Variants in SBNO2 observed in about 807,000 individuals in gnomAD.
The protein encoded by SBNO2 is strawberry notch homolog 2, also known as protein strawberry notch homolog 2.
A neutral mutation model predicts 146.3 loss-of-function variants in SBNO2; 89 were observed. The ratio of observed to expected loss-of-function variants is 0.61; its 90% CI spans 0.51 to 0.73. The LOEUF (loss-of-function observed/expected upper bound fraction) is 0.73. Ranked by LOEUF, SBNO2 falls within the 30% of genes least tolerant of loss-of-function variation. The pLI, the probability that SBNO2 is intolerant of heterozygous loss-of-function variation, is 0.00. For synonymous variants in SBNO2, 1,147 were observed against 892.6 expected, an observed-to-expected ratio of 1.29 and a Z score of -5.08; for missense variants, 2,092 against 2,003.7, an observed-to-expected ratio of 1.04 and a Z score of -0.84.
intron 2 of SBNO2, among the ~76,000 whole-genome samples, chr19:1,151,289 C>A (rs931734286): frequency 6.6e-6 from 1 of 152,110 alleles, no homozygotes; most frequent in Admixed American, 6.6e-5. Context: ...GGAACTGCAG[C>A]TGCAGGAAGG....
rs535798480 is a variant in SBNO2 at position 1,119,485 on chromosome 19, G to A, written c.1373+31C>T. 77 of 766,076 alleles carry A rather than the reference G, an allele frequency of 1.0e-4. 1 individual carries two copies. Among genetic ancestry groups the A allele is most frequent in the Middle Eastern group, 1.0e-3 (4 of 4,020 alleles). The allele number at this position is 766,076 out of a possible 1,614,324, so 47.5% of individuals were successfully genotyped here. A position where few individuals can be genotyped will look rare whatever the true frequency, so the allele number is the denominator to read the frequency against. On this transcript the variant is annotated intron_variant, in intron 13 of 31. Transcript: ENST00000361757. The stretch of plus-strand genomic sequence containing the variant: ...TGAGGCCTCCTCCCCACCCCCCGCC[G>A]CCCCTCCACGTGGGTGAGAAGGGCA...
Position 1,158,936 on chromosome 19 carries a change from C to T in SBNO2, c.-126-4534G>A, listed in dbSNP as rs1471128975. ...GCAGCCGTGACCCCACCTGCAGCCG[C>T]GACCCCACCTGCAGCCGTGACCCCA... On this transcript the variant is annotated intron_variant, in intron 1 of 31. Coordinates refer to ENST00000361757, the MANE Select transcript of SBNO2 (RefSeq NM_014963.3). This position sits in a 1 kb window ranked among gnomAD's most constrained non-coding sequence, Gnocchi z 9.9. Among the ~76,000 whole-genome samples the T allele has an allele frequency of 6.7e-5, 10 of 148,828 alleles. No individual in the cohort carries two copies. Among genetic ancestry groups the T allele is most frequent in the Non-Finnish European group, 1.4e-4 (9 of 66,218 alleles).
At position 1,109,583 on chromosome 19, in the gene SBNO2, C is replaced by T. The variant is rs2079728135; in HGVS notation, c.3139G>A (p.Gly1047Ser). 6.3e-7 allele frequency: 1 copy of T among 1,587,948 alleles called. No individual in the cohort carries two copies. ...GCAAAGGCGTCCTCCCACTTCAGGC[C>T]GCGGTCCACGCTGATCTGCCACGGC... The part of the protein sequence containing the change: ...VVFYKISVDR[G>S]LKWEDAFAKS... Residue 1047 changes from glycine (G) to serine (S), a missense_variant, in exon 28 of 32, where the codon GGC becomes AGC. Transcript: ENST00000361757. The surrounding 1 kb of genome is among the most constrained non-coding windows in gnomAD (Gnocchi z 4.2).
At chr19:1,129,053 G>A (rs2079999435) in intron 4 of SBNO2, among the ~76,000 whole-genome samples, 4 of 151,056 alleles carry the variant, frequency 2.6e-5, no homozygotes, top group Non-Finnish European at 5.9e-5. Flanking sequence ...GATCACCTGA[G>A]GTCAGGAGTT....
chr19:1,126,462 G>A lies in SBNO2; in HGVS notation c.441+1142C>T, dbSNP rs935426291. 3.3e-5 allele frequency among the ~76,000 whole-genome samples: 5 copies of A among 152,126 alleles called. No individual in the cohort carries two copies. Among genetic ancestry groups the A allele is most frequent in the African/African-American group, 9.7e-5 (4 of 41,424 alleles). On this transcript the variant is annotated intron_variant, in intron 5 of 31. Transcript: ENST00000361757. The surrounding 1 kb of genome is among the most constrained non-coding windows in gnomAD (Gnocchi z 4.4). ...ACCTGGGAGCTAGCTGGGAGGGCAC[G>A]GGCCCCGGGCTGGGTGAAATGCTCT...
chr19:1,120,857 C>T (rs1331801476), intron 11 of SBNO2, among the ~76,000 whole-genome samples: 5 of 151,498 alleles, frequency 3.3e-5, no homozygotes, highest in South Asian at 2.1e-4. Flanking sequence ...TCAGTAGAGA[C>T]GGGGTTTCAC....
At chr19:1,127,114 C>T (rs2145239077) in intron 5 of SBNO2, among the ~76,000 whole-genome samples, 1 of 152,344 alleles carries the variant, frequency 6.6e-6, no homozygotes, top group Non-Finnish European at 1.5e-5. Context: ...GACCCAGGCA[C>T]CATGGGGCTG....
intron 4 of SBNO2, among the ~76,000 whole-genome samples, chr19:1,129,892 G>A (rs990633688): frequency 2.0e-5 from 3 of 152,190 alleles, no homozygotes; most frequent in Non-Finnish European, 4.4e-5. Context: ...CTCAGGCAGA[G>A]ACACCTGCCC....
chr19:1,130,075 G>A (rs955945847), intron 4 of SBNO2, among the ~76,000 whole-genome samples: 5 of 152,174 alleles, frequency 3.3e-5, no homozygotes, highest in African/African-American at 1.2e-4. Context: ...TGAAACACGG[G>A]CCTCTGAGAA....
chr19:1,148,047 C>T (rs1365374261), intron 3 of SBNO2, among the ~76,000 whole-genome samples: 3 of 152,098 alleles, frequency 2.0e-5, no homozygotes, highest in African/African-American at 7.2e-5. Context: ...TGGCCAGCTC[C>T]TGCGCTTGGG....
At chr19:1,123,254 G>T (rs1026257334) in intron 7 of SBNO2, among the ~76,000 whole-genome samples, 3 of 151,744 alleles carry the variant, frequency 2.0e-5, no homozygotes, top group Non-Finnish European at 2.9e-5. Flanking sequence ...GGGTGTGGCC[G>T]CGGCCTGCTG....
In SBNO2 at chr19:1,126,564, G is replaced by A. The variant is rs1392017626; in HGVS notation, c.441+1040C>T. ...GGGGTGCCCTGATGCTTCCTGAGCCGCCCACCGTGAGCCACCCACCGTGGC... is the reference window on the plus strand; with the variant it reads ...GGGGTGCCCTGATGCTTCCTGAGCCACCCACCGTGAGCCACCCACCGTGGC... On this transcript the variant is annotated intron_variant, in intron 5 of 31. Transcript: ENST00000361757. The surrounding 1 kb of genome is among the most constrained non-coding windows in gnomAD (Gnocchi z 4.4). Among the ~76,000 whole-genome samples, 7 of 151,972 alleles carry A rather than the reference G, an allele frequency of 4.6e-5. No homozygotes were observed. In the East Asian group the frequency reaches 7.8e-4, roughly 17 times the overall value.
At chr19:1,131,483 C>T (rs943135887) in intron 4 of SBNO2, among the ~76,000 whole-genome samples, 1 of 152,194 alleles carries the variant, frequency 6.6e-6, no homozygotes, top group African/African-American at 2.4e-5. Flanking sequence ...ACAGCTCCTC[C>T]TGCCCTGGGC....
At chr19:1,142,496 A>G (rs1442385270) in intron 4 of SBNO2, among the ~76,000 whole-genome samples, 1 of 152,220 alleles carries the variant, frequency 6.6e-6, no homozygotes, top group African/African-American at 2.4e-5. Flanking sequence ...CCTGGCCAAT[A>G]TGGTGAAACC....
chr19:1,135,198 CA>C (rs201335079), intron 4 of SBNO2, among the ~76,000 whole-genome samples: 1,926 of 151,978 alleles, frequency 0.013, 26 homozygotes, highest in Non-Finnish European at 0.021. Context: ...CCCATCTCCA[CA>C]AAAAATACAA....
At position 1,122,179 on chromosome 19, in the gene SBNO2, C is replaced by T. The variant is rs757990173; in HGVS notation, c.1109G>A (p.Arg370Gln). The change falls in exon 11 of 32, where the codon CGG becomes CAG. Residue 370 changes from arginine to glutamine, a missense_variant. Arg to Gln is a conservative substitution (Grantham distance 43, BLOSUM62 1). Coordinates refer to ENST00000361757, the MANE Select transcript of SBNO2 (RefSeq NM_014963.3). ...CTCCCCACACCAGTCCAGGATCTGC[C>T]GGAGGCGAGTGCGGTGCTGGCCGCC... ...QAGGQHRTRL[R>Q]QILDWCGEAF... is the part of the protein sequence containing the mutation. 18 of 1,533,318 alleles carry T rather than the reference C, an allele frequency of 1.2e-5. No homozygotes were observed. The highest frequency in any genetic ancestry group is 4.9e-5 in the East Asian group (2 of 40,580). 95.0% of individuals were successfully genotyped at this position (1,533,318 alleles called of 1,614,324 possible).
chr19:1,116,789 C>T (rs1424779542), intron 16 of SBNO2, 40 bp downstream of exon 16: 4 of 1,512,368 alleles, frequency 2.6e-6, no homozygotes, highest in Non-Finnish European at 3.6e-6. Context: ...TGGCCATGAG[C>T]GCAGGAAGCC....
chr19:1,154,163 G>C, intron 2 of SBNO2, 21 bp downstream of exon 2: 1 of 1,164,306 alleles, frequency 8.6e-7, no homozygotes, highest in Non-Finnish European at 1.1e-6. Context: ...CGGGTGGGCC[G>C]GGGCCGGGGG....
rs1245413909 is a variant in SBNO2, at chr19:1,119,699, C to T, written c.1268-78G>A. 14 of 1,322,092 alleles carry T rather than the reference C, an allele frequency of 1.1e-5. No homozygotes were observed. In the East Asian group the frequency reaches 2.0e-4, roughly 19 times the overall value. 81.9% of individuals were successfully genotyped at this position (1,322,092 alleles called of 1,614,324 possible). A position where few individuals can be genotyped will look rare whatever the true frequency, so the allele number is the denominator to read the frequency against. ...CGTCAGGGGACGACTAAGTTGGGAC[C>T]ACCCGACGAGGGGCCCTGCGGGGTT... On this transcript the variant is annotated intron_variant, in intron 12 of 31. Transcript: ENST00000361757.
Sources: allele counts gnomAD v4.1 joint callset (sites outside exome capture counted in the v4.1 genomes callset), GRCh38; gene constraint gnomAD v4.1.1; non-coding constraint Gnocchi (gnomAD v3.1); transcripts MANE v1.5; gene names NCBI Gene and HGNC (gene_info 2026-07-23, HGNC 2026-07-21).